KIAA1958: variants seen among roughly 807,000 people sequenced by gnomAD.
KIAA1958 encodes the protein KIAA1958.
Under a neutral mutation model 47.2 loss-of-function variants are expected in KIAA1958, and 14 were observed. The observed-to-expected ratio is 0.30, with a 90% CI of 0.20 to 0.46. The LOEUF (loss-of-function observed/expected upper bound fraction) is 0.46. Among genes scored for constraint, KIAA1958 ranks in the 20% least tolerant of loss-of-function variants. The pLI is 1.00. For synonymous variants in KIAA1958, 354 were observed against 353.3 expected, an observed-to-expected ratio of 1.00 and a Z score of -0.02; for missense variants, 803 against 909.2, an observed-to-expected ratio of 0.88 and a Z score of 1.50.
At chr9:112,562,469 C>A (rs763619456) in intron 1 of KIAA1958, among the ~76,000 whole-genome samples, 1 of 152,092 alleles carries the variant, frequency 6.6e-6, no homozygotes, top group Non-Finnish European at 1.5e-5. Context: ...TCACACACAC[C>A]CAGAAGAGCC....
intron 2 of KIAA1958, among the ~76,000 whole-genome samples, chr9:112,598,537 G>A (rs560795156): frequency 7.9e-5 from 12 of 152,258 alleles, no homozygotes; most frequent in African/African-American, 2.9e-4. Flanking sequence ...GCTAAATAAG[G>A]AATTTCTGTG....
At chr9:112,516,288 A>AAG (rs1266125097) in intron 1 of KIAA1958, among the ~76,000 whole-genome samples, 1 of 151,698 alleles carries the variant, frequency 6.6e-6, no homozygotes, top group Admixed American at 6.6e-5. Context: ...TTAAAAAAAA[A>AAG]AAAGTCAGTT....
intron 1 of KIAA1958, among the ~76,000 whole-genome samples, chr9:112,533,588 A>ACC (rs1330791483): frequency 0.01 from 1,504 of 144,226 alleles, 29 homozygotes; most frequent in Non-Finnish European, 0.016. Context: ...CCCAAAAAAA[A>ACC]AAAAAAAAAA....
In KIAA1958 at chr9:112,660,106, C is replaced by T. The variant is rs112058035; in HGVS notation, c.*37C>T. The T allele has an allele frequency of 5.1e-6, 8 of 1,574,052 alleles. No individual in the cohort carries two copies. The highest frequency in any genetic ancestry group is 4.0e-5 in the African/African-American group (3 of 74,452). On this transcript the variant is annotated 3_prime_UTR_variant, in exon 4 of 4. Coordinates refer to ENST00000337530, the MANE Select transcript of KIAA1958 (RefSeq NM_133465.4). ...GGCCCGGCCACTGCCCTGTCACCTG[C>T]TCGGGCCAGCCAGGGTTGGAGCAGC...
chr9:112,658,777 G>C (rs890850289), intron 3 of KIAA1958, among the ~76,000 whole-genome samples: 1 of 151,648 alleles, frequency 6.6e-6, no homozygotes, highest in African/African-American at 2.4e-5. Context: ...GGCTAACACT[G>C]TGAAACCCCA....
At chr9:112,504,548 A>T (rs535558857) in intron 1 of KIAA1958, among the ~76,000 whole-genome samples, 1 of 152,336 alleles carries the variant, frequency 6.6e-6, no homozygotes, top group Non-Finnish European at 1.5e-5. Context: ...GGAGGAGTGA[A>T]GGAACTCTGG....
At position 112,618,910 on chromosome 9, in the gene KIAA1958, C is replaced by A; in HGVS notation, c.1172-26740C>A. On this transcript the variant is annotated intron_variant, in intron 2 of 3. Coordinates refer to ENST00000337530, the MANE Select transcript of KIAA1958 (RefSeq NM_133465.4). This position sits in a 1 kb window ranked among gnomAD's most constrained non-coding sequence, Gnocchi z 7.1. ...CCTCCTATGACTCTTCCTCAGACAC[C>A]GCTTGACCAGGTGGCTTGAGCAAGA... is the stretch of plus-strand genomic sequence containing the variant. The A allele has an allele frequency of 6.5e-7, 1 of 1,527,340 alleles. No homozygotes were observed. Among genetic ancestry groups the A allele is most frequent in the East Asian group, 2.5e-5 (1 of 40,436 alleles). The allele number at this position is 1,527,340 out of a possible 1,614,324, so 94.6% of individuals were successfully genotyped here.
At chr9:112,624,418 A>T (rs28680381) in intron 2 of KIAA1958, among the ~76,000 whole-genome samples, 1,854 of 152,312 alleles carry the variant, frequency 0.012, 27 homozygotes, top group African/African-American at 0.037. Context: ...TCATAAAGCA[A>T]AGTGATGAAG....
chr9:112,608,897 AT>A (rs1251211488), intron 2 of KIAA1958, among the ~76,000 whole-genome samples: 6 of 152,168 alleles, frequency 3.9e-5, no homozygotes, highest in African/African-American at 7.2e-5. Flanking sequence ...AAGAGAGAGA[AT>A]TTATGATATG....
intron 2 of KIAA1958, among the ~76,000 whole-genome samples, chr9:112,631,403 G>C (rs928682525): frequency 6.6e-6 from 1 of 151,942 alleles, no homozygotes; most frequent in Non-Finnish European, 1.5e-5. Flanking sequence ...GTGCGCACCT[G>C]TGGTCCCAGA....
chr9:112,613,896 A>G (rs1836368820), intron 2 of KIAA1958, among the ~76,000 whole-genome samples: 1 of 152,174 alleles, frequency 6.6e-6, no homozygotes, highest in Non-Finnish European at 1.5e-5. Flanking sequence ...TGACCCAGCA[A>G]TTCCACTCCT....
At chr9:112,646,654 G>T (rs112713122) in intron 3 of KIAA1958, among the ~76,000 whole-genome samples, 1 of 152,124 alleles carries the variant, frequency 6.6e-6, no homozygotes, top group African/African-American at 2.4e-5. Flanking sequence ...GGAGGATTGC[G>T]TGAACCCAAG....
intron 1 of KIAA1958, among the ~76,000 whole-genome samples, chr9:112,564,438 C>T (rs901704518): frequency 6.6e-6 from 1 of 152,140 alleles, no homozygotes; most frequent in Non-Finnish European, 1.5e-5. Flanking sequence ...AGAGAGACTA[C>T]AAGGATTTTT....
At chr9:112,582,091 A>G (rs1426303734) in intron 2 of KIAA1958, 1 of 180,812 alleles carries the variant, frequency 5.5e-6, no homozygotes, top group African/African-American at 2.4e-5. Flanking sequence ...GTCTACAGAC[A>G]GTATCAGGCT....
intron 2 of KIAA1958, among the ~76,000 whole-genome samples, chr9:112,612,458 T>C (rs1436650322): frequency 6.6e-6 from 1 of 152,102 alleles, no homozygotes; most frequent in Non-Finnish European, 1.5e-5. Context: ...ATAAATATTC[T>C]TAAATATATC....
At position 112,666,836 on chromosome 9, in the gene KIAA1958, C is replaced by A. The variant is rs1462520666; in HGVS notation, c.*6767C>A. On this transcript the variant is annotated 3_prime_UTR_variant, in exon 4 of 4. Transcript: ENST00000337530. ...AAATACTAGCTGATGCTTATTACAC[C>A]GGGAAGAGAAAAAGTTCATATCCAC... 1 of 152,166 alleles carries A rather than the reference C, an allele frequency of 6.6e-6. No individual in the cohort carries two copies. The highest frequency in any genetic ancestry group is 1.5e-5 in the Non-Finnish European group (1 of 68,034). The allele number at this position is 152,166 out of a possible 1,614,324, so 9.4% of individuals were successfully genotyped here.
At position 112,575,052 on chromosome 9, in the gene KIAA1958, C is replaced by G; in HGVS notation, c.972C>G (p.Pro324=). 6.2e-7 allele frequency: 1 copy of G among 1,613,922 alleles called. No homozygotes were observed. The highest frequency in any genetic ancestry group is 8.5e-7 in the Non-Finnish European group (1 of 1,180,026). The change falls in exon 2 of 4, where the codon CCC becomes CCG. Residue 324 remains proline, a synonymous_variant. Coordinates refer to ENST00000337530, the MANE Select transcript of KIAA1958 (RefSeq NM_133465.4). ...TSHPNKQISI[P]LSALQLPGQD... Reference sequence around the variant, plus strand: ...ATCCTAACAAACAGATCAGTATCCCCTTGTCTGCCCTGCAGCTGCCTGGAC... The same window carrying G: ...ATCCTAACAAACAGATCAGTATCCCGTTGTCTGCCCTGCAGCTGCCTGGAC...
At chr9:112,506,770 C>G (rs979588654) in intron 1 of KIAA1958, among the ~76,000 whole-genome samples, 1 of 151,822 alleles carries the variant, frequency 6.6e-6, no homozygotes, top group South Asian at 2.1e-4. Flanking sequence ...TTCTGCCACA[C>G]TAGCTTTATT....
intron 2 of KIAA1958, among the ~76,000 whole-genome samples, chr9:112,613,423 G>A (rs1836360075): frequency 6.6e-6 from 1 of 151,748 alleles, no homozygotes; most frequent in South Asian, 2.1e-4. Context: ...TCATAACCTT[G>A]GAATAAGCAA....
Sources: allele counts gnomAD v4.1 joint callset (sites outside exome capture counted in the v4.1 genomes callset), GRCh38; gene constraint gnomAD v4.1.1; non-coding constraint Gnocchi (gnomAD v3.1); transcripts MANE v1.5; gene names NCBI Gene and HGNC (gene_info 2026-07-23, HGNC 2026-07-21).